Variants in CLPB observed in about 807,000 individuals in gnomAD.
The protein encoded by CLPB is ClpB family mitochondrial disaggregase, also known as mitochondrial disaggregase.
CLPB carries 40 observed loss-of-function variants against 78.4 expected under a neutral mutation model. The ratio of observed to expected loss-of-function variants is 0.51; its 90% CI spans 0.40 to 0.66. CLPB has a LOEUF of 0.66. CLPB is among the 30% of genes least tolerant of loss of function. The pLI, the probability that CLPB is intolerant of heterozygous loss-of-function variation, is 0.00. For synonymous variants in CLPB, 333 were observed against 348.0 expected, an observed-to-expected ratio of 0.96 and a Z score of 0.48; for missense variants, 780 against 886.9, an observed-to-expected ratio of 0.88 and a Z score of 1.53.
chr11:72,408,223 A>AAAGCAATGACCC, intron 2 of CLPB: 1 of 1,510,848 alleles, frequency 6.6e-7, no homozygotes, highest in Non-Finnish European at 8.9e-7. Flanking sequence ...TAATGGAAAA[A>AAAGCAATGACCC]AAGCAATGAC....
At chr11:72,306,510 G>A (rs573180424) in intron 9 of CLPB, among the ~76,000 whole-genome samples, 64 of 152,332 alleles carry the variant, frequency 4.2e-4, no homozygotes, top group African/African-American at 1.4e-3. Flanking sequence ...CTGCACAAAA[G>A]CATTTCCTTT....
chr11:72,418,729 C>G (rs1003931607), intron 2 of CLPB, among the ~76,000 whole-genome samples: 1 of 152,002 alleles, frequency 6.6e-6, no homozygotes, highest in Non-Finnish European at 1.5e-5. Context: ...GTGGCACACA[C>G]CTGTAATCCC....
At chr11:72,311,641 C>CA (rs1008342407) in intron 7 of CLPB, among the ~76,000 whole-genome samples, 3 of 152,258 alleles carry the variant, frequency 2.0e-5, no homozygotes, top group Admixed American at 2.0e-4. Context: ...CACCTCCTCA[C>CA]ACCCTGACTC....
chr11:72,429,984 G>A (rs1346818360), intron 2 of CLPB, among the ~76,000 whole-genome samples: 1 of 152,178 alleles, frequency 6.6e-6, no homozygotes, highest in African/African-American at 2.4e-5. Context: ...AGTAATACAT[G>A]GCCATTCCCA....
intron 4 of CLPB, among the ~76,000 whole-genome samples, chr11:72,375,673 C>T (rs759811195): frequency 4.6e-5 from 7 of 152,218 alleles, no homozygotes; most frequent in Non-Finnish European, 7.3e-5. Flanking sequence ...TATCACTCTG[C>T]GTTGTGATTC....
At chr11:72,428,209 A>T (rs928960992) in intron 2 of CLPB, among the ~76,000 whole-genome samples, 15 of 152,144 alleles carry the variant, frequency 9.9e-5, no homozygotes, top group African/African-American at 3.6e-4. Context: ...GGAGGGAAGG[A>T]TGTCCTCATT....
chr11:72,351,376 A>G (rs1950611617), intron 5 of CLPB: 2 of 152,204 alleles, frequency 1.3e-5, no homozygotes, highest in Non-Finnish European at 2.9e-5. Context: ...GCCTGGGAGT[A>G]CCAGCAAAGC....
At chr11:72,309,803 CTGG>C (rs1949812042) in intron 7 of CLPB, among the ~76,000 whole-genome samples, 1 of 152,196 alleles carries the variant, frequency 6.6e-6, no homozygotes, top group Non-Finnish European at 1.5e-5. Context: ...CATGTCTGAT[CTGG>C]TCCCCAGGGT....
At chr11:72,355,194 T>C (rs1303603377) in intron 5 of CLPB, 9 of 152,216 alleles carry the variant, frequency 5.9e-5, no homozygotes, top group Non-Finnish European at 1.3e-4. Context: ...TGTGCTAAGC[T>C]GTACAATGCT....
chr11:72,368,477 T>G (rs779699098), intron 4 of CLPB, among the ~76,000 whole-genome samples: 56 of 152,356 alleles, frequency 3.7e-4, no homozygotes, highest in South Asian at 1.5e-3. Flanking sequence ...ACTCTTTTTC[T>G]CTAAGTGATT....
intron 5 of CLPB, chr11:72,351,370 G>A (rs1950611549): frequency 6.6e-6 from 1 of 152,192 alleles, no homozygotes; most frequent in Non-Finnish European, 1.5e-5. Flanking sequence ...CTTTCTGCCT[G>A]GGAGTACCAG....
At chr11:72,298,041 C>T (rs985444783) in intron 11 of CLPB, among the ~76,000 whole-genome samples, 1 of 152,114 alleles carries the variant, frequency 6.6e-6, no homozygotes, top group Non-Finnish European at 1.5e-5. Context: ...TTGGGTGGGG[C>T]TTGAATGCTC....
At chr11:72,366,127 T>C (rs939990303) in intron 4 of CLPB, among the ~76,000 whole-genome samples, 7 of 152,266 alleles carry the variant, frequency 4.6e-5, no homozygotes, top group African/African-American at 4.8e-5. Context: ...AGACAACTTA[T>C]AGAATGGGAG....
At chr11:72,300,447 G>A (rs1039199545) in intron 11 of CLPB, among the ~76,000 whole-genome samples, 1 of 152,194 alleles carries the variant, frequency 6.6e-6, no homozygotes, top group African/African-American at 2.4e-5. Flanking sequence ...ATGGAGTAGA[G>A]GCCTCAGTGT....
intron 6 of CLPB, 102 bp from the exon 7 acceptor site, chr11:72,317,322 G>A (rs867889230): frequency 3.7e-6 from 3 of 814,606 alleles, no homozygotes; most frequent in South Asian, 1.8e-5. Context: ...GGGTATCCAG[G>A]GGTCCTGCTT....
chr11:72,414,140 G>A (rs758867576), intron 2 of CLPB, among the ~76,000 whole-genome samples: 2 of 152,134 alleles, frequency 1.3e-5, no homozygotes, highest in Non-Finnish European at 2.9e-5. Flanking sequence ...GCTTCCCCAG[G>A]CAGTGTGTGC....
intron 1 of CLPB, among the ~76,000 whole-genome samples, chr11:72,433,001 T>C (rs954996668): frequency 3.8e-4 from 58 of 152,206 alleles, no homozygotes; most frequent in African/African-American, 1.1e-3. Flanking sequence ...TCTGGCTCTC[T>C]GTCCACTCTC....
chr11:72,389,603 G>A (rs1855186611), intron 3 of CLPB, among the ~76,000 whole-genome samples: 1 of 152,150 alleles, frequency 6.6e-6, no homozygotes, highest in Non-Finnish European at 1.5e-5. Flanking sequence ...TTACTCCACA[G>A]GCACTCACTG....
In CLPB at chr11:72,323,563, C is replaced by A. The variant is rs557820115; in HGVS notation, c.873+6144G>T. On this transcript the variant is annotated intron_variant, in intron 6 of 15. Transcript: ENST00000538039. ...GCCTGGTGACAGAGCGAGACTCCAT[C>A]TCAAAAAAAAAAAAAAAAAAGTCAA... Among the ~76,000 whole-genome samples the A allele has an allele frequency of 1.9e-3, 248 of 127,932 alleles. 1 individual carries two copies. Among genetic ancestry groups the A allele is most frequent in the Admixed American group, 3.6e-3 (45 of 12,390 alleles). The allele number at this position is 127,932 out of a possible 152,430, so 83.9% of individuals were successfully genotyped here. A position where few individuals can be genotyped will look rare whatever the true frequency, so the allele number is the denominator to read the frequency against.
Sources: allele counts gnomAD v4.1 joint callset (sites outside exome capture counted in the v4.1 genomes callset), GRCh38; gene constraint gnomAD v4.1.1; transcripts MANE v1.5; gene names NCBI Gene and HGNC (gene_info 2026-07-23, HGNC 2026-07-21).